The following CALN1 variants were observed in gnomAD, a reference collection of about 807,000 sequenced individuals.
The protein encoded by CALN1 is calneuron 1.
In CALN1, 17 loss-of-function variants were observed where a neutral mutation model predicts 30.6. The observed-to-expected ratio is 0.56, with a 90% CI of 0.38 to 0.83. The LOEUF (loss-of-function observed/expected upper bound fraction) is 0.83, where lower values mean the gene tolerates loss of function less well. Among genes scored for constraint, CALN1 ranks in the 40% least tolerant of loss-of-function variants. The pLI is 0.00. For missense variants in CALN1, 291 were observed against 354.9 expected (o/e 0.82, Z 1.45); for synonymous variants, 156 against 131.4 (o/e 1.19, Z -1.28).
chr7:72,473,933 A>C, the CALN1 span, among the ~76,000 whole-genome samples: 1 of 150,730 alleles, frequency 6.6e-6, no homozygotes, highest in African/African-American at 2.5e-5. Flanking sequence ...TGTTTAAAAA[A>C]AAAAAAAAAG....
intron 5 of CALN1, among the ~76,000 whole-genome samples, chr7:71,923,013 C>A (rs1230981489): frequency 6.7e-6 from 1 of 148,922 alleles, no homozygotes; most frequent in Non-Finnish European, 1.5e-5. Context: ...CTATACTATA[C>A]TATACTATAC....
intron 5 of CALN1, among the ~76,000 whole-genome samples, chr7:71,918,671 C>T (rs966712757): frequency 1.3e-5 from 2 of 152,280 alleles, no homozygotes; most frequent in African/African-American, 4.8e-5. Flanking sequence ...ACAAAATGCA[C>T]GTTCCCAGAA....
At chr7:72,316,572 G>C (rs995585334) in intron 2 of CALN1, among the ~76,000 whole-genome samples, 4 of 152,072 alleles carry the variant, frequency 2.6e-5, no homozygotes, top group African/African-American at 9.7e-5. Flanking sequence ...GGGATTACGA[G>C]TGAATTTAAT....
chr7:72,221,603 G>A (rs1457385759), intron 3 of CALN1, among the ~76,000 whole-genome samples: 1 of 152,138 alleles, frequency 6.6e-6, no homozygotes, highest in Non-Finnish European at 1.5e-5. Context: ...AAAGCTGAGT[G>A]GCTGAGGCTG....
chr7:72,089,254 G>C (rs1412361464), intron 4 of CALN1, among the ~76,000 whole-genome samples: 2 of 152,082 alleles, frequency 1.3e-5, no homozygotes, highest in Non-Finnish European at 2.9e-5. Flanking sequence ...TTAGCTGTTA[G>C]AGATAATCTC....
At chr7:72,410,594 C>T (rs1807056112) in intron 1 of CALN1, among the ~76,000 whole-genome samples, 2 of 152,194 alleles carry the variant, frequency 1.3e-5, no homozygotes, top group Admixed American at 6.5e-5. Context: ...GCAAGTGAGA[C>T]TTCTCAGGAG....
chr7:72,219,328 T>G (rs956983391), intron 3 of CALN1, among the ~76,000 whole-genome samples: 6 of 152,156 alleles, frequency 3.9e-5, no homozygotes, highest in African/African-American at 1.4e-4. Context: ...TGGGCTAAAG[T>G]GATCCTCCAA....
intron 3 of CALN1, among the ~76,000 whole-genome samples, chr7:72,158,815 CCTAT>C (rs1264186127): frequency 6.6e-5 from 10 of 152,024 alleles, no homozygotes; most frequent in Non-Finnish European, 1.0e-4. Context: ...CTGTAGCTGC[CCTAT>C]CTCTTACCTC....
At chr7:72,293,142 A>G (rs1358090249) in intron 2 of CALN1, among the ~76,000 whole-genome samples, 3 of 152,168 alleles carry the variant, frequency 2.0e-5, no homozygotes, top group Non-Finnish European at 4.4e-5. Flanking sequence ...GCAGTTCAAC[A>G]AGAGGATTTA....
At chr7:72,100,821 CA>C (rs35514026) in intron 4 of CALN1, among the ~76,000 whole-genome samples, 321 of 73,060 alleles carry the variant, frequency 4.4e-3, no homozygotes, top group African/African-American at 0.012. Flanking sequence ...CTCCGTCTCA[CA>C]AAAAAAAAAA....
chr7:72,099,556 G>A (rs1351314681), intron 4 of CALN1, among the ~76,000 whole-genome samples: 1 of 151,524 alleles, frequency 6.6e-6, no homozygotes, highest in Non-Finnish European at 1.5e-5. Context: ...TACCTGAGAA[G>A]TTTACTCATT....
At chr7:71,861,864 C>G (rs1290142687) in intron 5 of CALN1, among the ~76,000 whole-genome samples, 1 of 151,530 alleles carries the variant, frequency 6.6e-6, no homozygotes, top group Non-Finnish European at 1.5e-5. Flanking sequence ...TTTACTTTAG[C>G]CTGGTGTAGA....
At chr7:72,169,071 G>A (rs1174236192) in intron 3 of CALN1, among the ~76,000 whole-genome samples, 2 of 151,838 alleles carry the variant, frequency 1.3e-5, no homozygotes, top group Admixed American at 6.6e-5. Context: ...CTCCCAAAGT[G>A]CTGGGACTTC....
At chr7:72,126,416 G>T (rs544260245) in intron 3 of CALN1, among the ~76,000 whole-genome samples, 6 of 148,604 alleles carry the variant, frequency 4.0e-5, no homozygotes, top group Admixed American at 4.0e-4. Flanking sequence ...GATCCACAAG[G>T]CTTGTTGGCT....
chr7:72,259,902 C>T (rs1796155458), intron 3 of CALN1, among the ~76,000 whole-genome samples: 3 of 152,160 alleles, frequency 2.0e-5, no homozygotes, highest in Non-Finnish European at 4.4e-5. Context: ...ACCAATGCAA[C>T]CTTTTAAAAT....
At chr7:71,882,321 A>T (rs1249157348) in intron 5 of CALN1, among the ~76,000 whole-genome samples, 1 of 152,022 alleles carries the variant, frequency 6.6e-6, no homozygotes, top group Non-Finnish European at 1.5e-5. Flanking sequence ...TCTTATGAAG[A>T]CCCTTGTGAT....
At chr7:71,920,021 C>T (rs1299882510) in intron 5 of CALN1, among the ~76,000 whole-genome samples, 3 of 152,204 alleles carry the variant, frequency 2.0e-5, no homozygotes, top group Non-Finnish European at 4.4e-5. Flanking sequence ...ACATGCTTTT[C>T]TCCTTCTTGG....
Position 71,787,426 on chromosome 7 carries a change from C to A in CALN1, c.*349G>T. On this transcript the variant is annotated 3_prime_UTR_variant, in exon 7 of 7. Coordinates refer to ENST00000395275, the MANE Select transcript of CALN1 (RefSeq NM_031468.4). The stretch of plus-strand genomic sequence containing the variant: ...TGTGTGTTCATGCCTCTCTCTTGCT[C>A]TCTCACCATTATACCTGGATGGCTG... 2 of 232,336 alleles carry A rather than the reference C, an allele frequency of 8.6e-6. No individual in the cohort carries two copies. Among genetic ancestry groups the A allele is most frequent in the Non-Finnish European group, 1.8e-5 (2 of 113,200 alleles). The allele number at this position is 232,336 out of a possible 1,614,324, so 14.4% of individuals were successfully genotyped here. A position where few individuals can be genotyped will look rare whatever the true frequency, so the allele number is the denominator to read the frequency against.
chr7:72,243,188 A>AT (rs1323434860), intron 3 of CALN1, among the ~76,000 whole-genome samples: 1 of 152,170 alleles, frequency 6.6e-6, no homozygotes, highest in Non-Finnish European at 1.5e-5. Context: ...CAGTGCCCTT[A>AT]TGAGGAAAAG....
Sources: gnomAD v4.1 joint callset for allele counts (sites outside exome capture counted in the v4.1 genomes callset) on GRCh38, gnomAD v4.1.1 for gene constraint, MANE v1.5 for transcripts, NCBI Gene and HGNC (gene_info 2026-07-23, HGNC 2026-07-21) for gene names.